Variants in CMIP observed in about 807,000 individuals in gnomAD.
The protein encoded by CMIP is c-Maf inducing protein.
A neutral mutation model predicts 97.3 loss-of-function variants in CMIP; 13 were observed. That is an observed-to-expected ratio of 0.13 (90% CI 0.09 to 0.21). CMIP has a LOEUF of 0.21. CMIP is among the 10% of genes least tolerant of loss of function. The probability of loss-of-function intolerance (pLI) is 1.00; values close to 1 mark genes in which losing one functional copy is unlikely to be tolerated. For synonymous variants in CMIP, 538 were observed against 436.3 expected (o/e 1.23, Z -2.91); for missense variants, 847 against 1,024.9 (o/e 0.83, Z 2.37).
chr16:81,445,662 G>C, intron 1 of CMIP, 121 bp downstream of exon 1: 1 of 1,133,338 alleles, frequency 8.8e-7, no homozygotes. Flanking sequence ...GGGGTGCCGG[G>C]GGAACGGGGA....
chr16:81,576,069 T>A (rs887402613), intron 1 of CMIP, among the ~76,000 whole-genome samples: 1 of 152,198 alleles, frequency 6.6e-6, no homozygotes, highest in Non-Finnish European at 1.5e-5. Flanking sequence ...AGATCTGAGA[T>A]ATCTTGTAAG....
rs930857166 is a variant in CMIP at position 81,453,858 on chromosome 16, G to A, written c.300+8317G>A. ...AGCCAAGCCGTTTGTAGATCTGGCC[G>A]CTTGGTTGGCTAGAACTCAGACACA... On this transcript the variant is annotated intron_variant, in intron 1 of 20. Transcript: ENST00000537098. This position sits in a 1 kb window ranked among gnomAD's most constrained non-coding sequence, Gnocchi z 4.0. Among the ~76,000 whole-genome samples the A allele has an allele frequency of 1.3e-5, 2 of 152,142 alleles. No homozygotes were observed. Among genetic ancestry groups the A allele is most frequent in the African/African-American group, 2.4e-5 (1 of 41,422 alleles).
chr16:81,677,207 G>A (rs116298956), intron 9 of CMIP, among the ~76,000 whole-genome samples: 1,857 of 152,202 alleles, frequency 0.012, 37 homozygotes, highest in African/African-American at 0.042. Context: ...GAGGGGACCT[G>A]CACAGCTCTT....
chr16:81,527,880 C>T (rs1354938064), intron 1 of CMIP, among the ~76,000 whole-genome samples: 2 of 152,168 alleles, frequency 1.3e-5, no homozygotes, highest in African/African-American at 2.4e-5. Flanking sequence ...AATAATACTG[C>T]TAGGAAGTCT....
chr16:81,472,594 T>G (rs1174607409), intron 1 of CMIP, among the ~76,000 whole-genome samples: 1 of 152,184 alleles, frequency 6.6e-6, no homozygotes, highest in Non-Finnish European at 1.5e-5. Flanking sequence ...ACCTGAGCAT[T>G]CACTGGGGGT....
intron 1 of CMIP, among the ~76,000 whole-genome samples, chr16:81,563,833 C>T (rs2090931022): frequency 6.6e-6 from 1 of 152,194 alleles, no homozygotes; most frequent in Admixed American, 6.5e-5. Context: ...GAGGGAGGGT[C>T]AGCACTGTCG....
intron 1 of CMIP, among the ~76,000 whole-genome samples, chr16:81,581,382 G>C (rs1350294553): frequency 6.6e-6 from 1 of 152,166 alleles, no homozygotes; most frequent in Non-Finnish European, 1.5e-5. Flanking sequence ...CACCTGGGCT[G>C]TGAGGTGCGG....
rs149964279 is a variant in CMIP, at chr16:81,643,515, C to T, written c.478-8688C>T. On this transcript the variant is annotated intron_variant, in intron 3 of 20. Coordinates refer to ENST00000537098, the MANE Select transcript of CMIP (RefSeq NM_198390.3). ...TGTAAATGGGTACATGGTGGCCGGG[C>T]GCAGTGGCTCACACCTGTAATCCTA... Among the ~76,000 whole-genome samples, 36 of 152,212 alleles carry T rather than the reference C, an allele frequency of 2.4e-4. No individual in the cohort carries two copies. The East Asian group carries it at 2.5e-3, about 11-fold the overall frequency.
chr16:81,597,004 A>T (rs561253730), intron 1 of CMIP, among the ~76,000 whole-genome samples: 5 of 152,264 alleles, frequency 3.3e-5, no homozygotes, highest in Admixed American at 1.3e-4. Context: ...CATTCTCATC[A>T]TTTAGGCTTC....
At chr16:81,571,399 T>G (rs184734919) in intron 1 of CMIP, among the ~76,000 whole-genome samples, 218 of 151,842 alleles carry the variant, frequency 1.4e-3, no homozygotes, top group Non-Finnish European at 2.5e-3. Flanking sequence ...GCCCAGGAAT[T>G]TGAGGCTGCA....
intron 1 of CMIP, among the ~76,000 whole-genome samples, chr16:81,559,550 C>G (rs768022028): frequency 1.2e-4 from 19 of 152,140 alleles, no homozygotes; most frequent in Non-Finnish European, 1.8e-4. Flanking sequence ...CCCATAAGAT[C>G]ATAATGGAGC....
intron 3 of CMIP, among the ~76,000 whole-genome samples, chr16:81,648,961 A>G (rs1224265101): frequency 6.6e-6 from 1 of 152,026 alleles, no homozygotes; most frequent in Non-Finnish European, 1.5e-5. Flanking sequence ...TGTGCTTGAC[A>G]GTGCCCTGTT....
Position 81,557,498 on chromosome 16 carries a change from A to G in CMIP, c.301-50069A>G, listed in dbSNP as rs1288384656. ...ATGGAGTATAATGTGATAATTTAATATATGTTTATAATGTGGAATAATTGA... is the reference window on the plus strand; with the variant it reads ...ATGGAGTATAATGTGATAATTTAATGTATGTTTATAATGTGGAATAATTGA... On this transcript the variant is annotated intron_variant, in intron 1 of 20. Coordinates refer to ENST00000537098, the MANE Select transcript of CMIP (RefSeq NM_198390.3). Among the ~76,000 whole-genome samples the G allele has an allele frequency of 2.0e-5, 3 of 152,330 alleles. No homozygotes were observed. The South Asian group carries it at 6.2e-4, about 32-fold the overall frequency.
chr16:81,499,545 C>T (rs1165070469), intron 1 of CMIP, among the ~76,000 whole-genome samples: 1 of 152,256 alleles, frequency 6.6e-6, no homozygotes, highest in Non-Finnish European at 1.5e-5. Context: ...ATCCGCCTGT[C>T]CCGGCGCCCA....
intron 1 of CMIP, among the ~76,000 whole-genome samples, chr16:81,602,823 C>G (rs1290566677): frequency 6.6e-6 from 1 of 152,200 alleles, no homozygotes; most frequent in Non-Finnish European, 1.5e-5. Flanking sequence ...GCCTCCTACC[C>G]CAGACAGGAA....
At chr16:81,686,994 C>G (rs982228378) in intron 10 of CMIP, among the ~76,000 whole-genome samples, 1 of 152,126 alleles carries the variant, frequency 6.6e-6, no homozygotes, top group Non-Finnish European at 1.5e-5. Flanking sequence ...CCAACACAGA[C>G]CACTGGACAA....
At chr16:81,670,452 C>T (rs542071911) in intron 8 of CMIP, among the ~76,000 whole-genome samples, 1 of 152,148 alleles carries the variant, frequency 6.6e-6, no homozygotes, top group Admixed American at 6.5e-5. Flanking sequence ...CCCACGACCC[C>T]TCAGGCTGTA....
rs373053310 is a variant in CMIP at position 81,707,054 on chromosome 16, G to A, written c.2238G>A (p.Lys746=). Residue 746 remains lysine (K), a synonymous_variant, in exon 20 of 21, where the codon AAG becomes AAA. Coordinates refer to ENST00000537098, the MANE Select transcript of CMIP (RefSeq NM_198390.3). ...GCAGTTTAAACATGAACAGCACCAA[G>A]CTCTCAGCTGACACCTACGAAGATC... ...SLCSLNMNST[K]LSADTYEDLK... 5.6e-6 allele frequency: 9 copies of A among 1,613,714 alleles called. No homozygotes were observed. In the African/African-American group the frequency reaches 1.2e-4, roughly 22 times the overall value.
intron 1 of CMIP, among the ~76,000 whole-genome samples, chr16:81,596,644 T>C (rs1339369633): frequency 6.6e-6 from 1 of 152,182 alleles, no homozygotes. Flanking sequence ...CCTAGAATGC[T>C]GCCAGCCCTC....
Sources: gnomAD v4.1 joint callset for allele counts (sites outside exome capture counted in the v4.1 genomes callset) on GRCh38, gnomAD v4.1.1 for gene constraint, Gnocchi (gnomAD v3.1) non-coding constraint, MANE v1.5 for transcripts, NCBI Gene and HGNC (gene_info 2026-07-23, HGNC 2026-07-21) for gene names.